Variants in SNX27 observed in about 807,000 individuals in gnomAD.
SNX27 encodes the protein sorting nexin-27.
Under a neutral mutation model 71.6 loss-of-function variants are expected in SNX27, and 22 were observed. That is an observed-to-expected ratio of 0.31 (90% CI 0.22 to 0.44). SNX27 has a LOEUF of 0.44. SNX27 is among the 20% of genes least tolerant of loss of function. The pLI is 1.00. For missense variants in SNX27, 531 were observed against 698.6 expected, an observed-to-expected ratio of 0.76 and a Z score of 2.70; for synonymous variants, 269 against 277.2, an observed-to-expected ratio of 0.97 and a Z score of 0.29.
At chr1:151,619,731 T>A (rs1429131373) in intron 1 of SNX27, among the ~76,000 whole-genome samples, 1 of 152,196 alleles carries the variant, frequency 6.6e-6, no homozygotes, top group African/African-American at 2.4e-5. Flanking sequence ...AACAGTAATT[T>A]AGGGCATCAC....
At chr1:151,615,612 C>A in intron 1 of SNX27, 1 of 780,048 alleles carries the variant, frequency 1.3e-6, no homozygotes, top group Non-Finnish European at 1.6e-6. Flanking sequence ...TGCTGAAGAG[C>A]CAGGTGGGGT....
intron 6 of SNX27, chr1:151,666,904 T>C (rs1326037586): frequency 3.3e-4 from 50 of 152,162 alleles, no homozygotes; most frequent in Admixed American, 3.3e-3. Flanking sequence ...TTATTTTTTT[T>C]CTAAGCTTTA....
chr1:151,650,079 G>A (rs1669254392), intron 2 of SNX27, among the ~76,000 whole-genome samples: 1 of 151,982 alleles, frequency 6.6e-6, no homozygotes. Flanking sequence ...CTGGAGACAG[G>A]GTTTTACCAT....
chr1:151,623,357 G>A lies in SNX27; in HGVS notation c.311+10845G>A, dbSNP rs564693045. Among the ~76,000 whole-genome samples, 52 of 152,222 alleles carry A rather than the reference G, an allele frequency of 3.4e-4. 1 individual carries two copies. The South Asian group carries it at 1.0e-2, about 29-fold the overall frequency. Reference sequence around the variant, plus strand: ...GGGTTTCACCTTGTTAGCCAGGATGGTCTCTATCTTCTGACCTCGTGATCC... The same window carrying A: ...GGGTTTCACCTTGTTAGCCAGGATGATCTCTATCTTCTGACCTCGTGATCC... On this transcript the variant is annotated intron_variant, in intron 1 of 11. Transcript: ENST00000458013.
intron 2 of SNX27, among the ~76,000 whole-genome samples, chr1:151,639,858 A>C (rs991558615): frequency 3.3e-5 from 5 of 152,106 alleles, no homozygotes; most frequent in Non-Finnish European, 7.4e-5. Flanking sequence ...TTTGCCTTTA[A>C]TTATTTGTGG....
intron 7 of SNX27, chr1:151,669,237 C>G (rs1670351513): frequency 6.6e-6 from 1 of 152,184 alleles, no homozygotes; most frequent in Non-Finnish European, 1.5e-5. Context: ...TTTTTCATCT[C>G]TCCCATCCCC....
rs763959726 is a variant in SNX27, at chr1:151,662,204, A to G, written c.840A>G (p.Ala280=). ...NGVSDVELRV[A]LPDGTTVTVR... is the part of the protein sequence containing the mutation. ...TGTCCGACGTAGAGCTGAGAGTAGC[A>G]TTACCAGATGGAACAACGGTTACAG... The change falls in exon 5 of 12, where the codon GCA becomes GCG. Residue 280 remains alanine, a synonymous_variant. Transcript: ENST00000458013. 6.2e-6 allele frequency: 10 copies of G among 1,613,700 alleles called. No homozygotes were observed. In the East Asian group the frequency reaches 6.7e-5, roughly 11 times the overall value.
In SNX27 at chr1:151,612,223, G is replaced by A. The variant is rs1667205506; in HGVS notation, c.22G>A (p.Gly8Arg). 5 of 1,375,248 alleles carry A rather than the reference G, an allele frequency of 3.6e-6. No individual in the cohort carries two copies. Among genetic ancestry groups the A allele is most frequent in the Non-Finnish European group, 4.7e-6 (5 of 1,062,388 alleles). The allele number at this position is 1,375,248 out of a possible 1,614,324, so 85.2% of individuals were successfully genotyped here. Residue 8 changes from glycine to arginine, a missense_variant, in exon 1 of 12, where the codon GGG (glycine) becomes AGG (arginine). Gly to Arg is a moderately radical substitution (Grantham distance 125). Transcript: ENST00000458013. This position sits in a 1 kb window ranked among gnomAD's most constrained non-coding sequence, Gnocchi z 5.2. MADEDGE[G>R]IHPSAPHRNG... ...CAAGATGGCGGACGAGGACGGGGAA[G>A]GGATTCATCCCTCAGCCCCTCACAG...
At chr1:151,615,890 A>G in intron 1 of SNX27, 1 of 896,246 alleles carries the variant, frequency 1.1e-6, no homozygotes, top group Non-Finnish European at 1.3e-6. Context: ...TGTTTCTTTT[A>G]AAGTCGGCTT....
rs1667198507 is a variant in SNX27, at chr1:151,612,083, C to A, written c.-119C>A. The A allele has an allele frequency of 8.7e-7, 1 of 1,146,044 alleles. No individual in the cohort carries two copies. The highest frequency in any genetic ancestry group is 2.7e-5 in the South Asian group (1 of 37,352). The allele number at this position is 1,146,044 out of a possible 1,614,324, so 71.0% of individuals were successfully genotyped here. Reference sequence around the variant, plus strand: ...CCAGCAGCTCGGTGGCCGAGTCGGTCCCGCGGCCGGCGGATCGGGCGCGCG... The same window carrying A: ...CCAGCAGCTCGGTGGCCGAGTCGGTACCGCGGCCGGCGGATCGGGCGCGCG... On this transcript the variant is annotated 5_prime_UTR_variant, in exon 1 of 12. Transcript: ENST00000458013. This position sits in a 1 kb window ranked among gnomAD's most constrained non-coding sequence, Gnocchi z 5.2.
At position 151,694,981 on chromosome 1, in the gene SNX27, T is replaced by C. The variant is rs1671634629; in HGVS notation, c.*564T>C. Reference sequence around the variant, plus strand: ...CTTTAAAAAGGAAAAAAAAGCATTTTACAGGGAAAAATACCTCTCCTCATG... The same window carrying C: ...CTTTAAAAAGGAAAAAAAAGCATTTCACAGGGAAAAATACCTCTCCTCATG... On this transcript the variant is annotated 3_prime_UTR_variant, in exon 12 of 12. Coordinates refer to ENST00000458013, the MANE Select transcript of SNX27 (RefSeq NM_001330723.2). 1.3e-5 allele frequency: 2 copies of C among 152,630 alleles called. No homozygotes were observed. The highest frequency in any genetic ancestry group is 4.8e-5 in the African/African-American group (2 of 41,446). The allele number at this position is 152,630 out of a possible 1,614,324, so 9.5% of individuals were successfully genotyped here. A position where few individuals can be genotyped will look rare whatever the true frequency, so the allele number is the denominator to read the frequency against.
In SNX27 at chr1:151,612,312, A is replaced by C; in HGVS notation, c.111A>C (p.Gly37=). Residue 37 remains glycine (G), a synonymous_variant, in exon 1 of 12, where the codon GGA becomes GGC. Coordinates refer to ENST00000458013, the MANE Select transcript of SNX27 (RefSeq NM_001330723.2). The surrounding 1 kb of genome is among the most constrained non-coding windows in gnomAD (Gnocchi z 5.2). Reference sequence around the variant, plus strand: ...ACTGCGCCGGGAACGGCGGCGGGGGAGGCGGCGGCCCGCGGGTCGTGCGCA... The same window carrying C: ...ACTGCGCCGGGAACGGCGGCGGGGGCGGCGGCGGCCCGCGGGTCGTGCGCA... ...GLHCAGNGGG[G]GGGPRVVRIV... 1 of 1,517,140 alleles carries C rather than the reference A, an allele frequency of 6.6e-7. No homozygotes were observed. Among genetic ancestry groups the C allele is most frequent in the Non-Finnish European group, 8.8e-7 (1 of 1,136,340 alleles). The allele number at this position is 1,517,140 out of a possible 1,614,324, so 94.0% of individuals were successfully genotyped here.
intron 1 of SNX27, among the ~76,000 whole-genome samples, chr1:151,624,518 A>G (rs2102604502): frequency 6.9e-6 from 1 of 144,944 alleles, no homozygotes; most frequent in Non-Finnish European, 1.5e-5. Context: ...TGCAACCTCC[A>G]TCTTCTGGGT....
chr1:151,656,025 C>G (rs1014024919), intron 2 of SNX27, among the ~76,000 whole-genome samples: 5 of 152,008 alleles, frequency 3.3e-5, no homozygotes, highest in African/African-American at 4.8e-5. Context: ...AGATCCAGAC[C>G]ATCCTGGCTA....
intron 7 of SNX27, among the ~76,000 whole-genome samples, chr1:151,674,371 T>C (rs1490190076): frequency 6.6e-6 from 1 of 152,180 alleles, no homozygotes; most frequent in African/African-American, 2.4e-5. Context: ...TTTTTAACTT[T>C]TTGTTGTTAC....
chr1:151,656,362 G>A (rs2102673044), intron 2 of SNX27, among the ~76,000 whole-genome samples: 1 of 151,998 alleles, frequency 6.6e-6, no homozygotes, highest in East Asian at 1.9e-4. Flanking sequence ...TTAATATGAA[G>A]GTAGGCAAAA....
At chr1:151,686,816 C>A (rs779896982) in intron 8 of SNX27, among the ~76,000 whole-genome samples, 8 of 152,190 alleles carry the variant, frequency 5.3e-5, no homozygotes, top group Non-Finnish European at 1.0e-4. Context: ...GTGAGAACTG[C>A]AGCAACACAA....
chr1:151,635,966 A>C lies in SNX27; in HGVS notation c.312-2922A>C, dbSNP rs138627992. 7.6e-4 allele frequency among the ~76,000 whole-genome samples: 115 copies of C among 152,254 alleles called. 2 individuals are homozygous for C. The East Asian group carries it at 0.015, about 19-fold the overall frequency. On this transcript the variant is annotated intron_variant, in intron 1 of 11. Coordinates refer to ENST00000458013, the MANE Select transcript of SNX27 (RefSeq NM_001330723.2). ...GTGACCCAAGGAACGGTGTATTTTG[A>C]TTTGAAAACTGAATGGGTGGAGGTG...
At chr1:151,614,449 G>C (rs1162884133) in intron 1 of SNX27, 1 of 152,190 alleles carries the variant, frequency 6.6e-6, no homozygotes, top group African/African-American at 2.4e-5. Context: ...TCAGCCTCCT[G>C]AGTAGCTGGG....
Sources: allele counts gnomAD v4.1 joint callset (sites outside exome capture counted in the v4.1 genomes callset), GRCh38; gene constraint gnomAD v4.1.1; non-coding constraint Gnocchi (gnomAD v3.1); transcripts MANE v1.5; gene names NCBI Gene and HGNC (gene_info 2026-07-23, HGNC 2026-07-21).